The following MEIKIN variants were observed in gnomAD, a reference collection of about 807,000 sequenced individuals.
MEIKIN encodes the protein meiotic kinetochore factor, also known as meiosis-specific kinetochore protein.
intron 8 of MEIKIN, among the ~76,000 whole-genome samples, chr5:131,884,180 C>T (rs551587819): frequency 3.9e-5 from 6 of 152,106 alleles, no homozygotes; most frequent in South Asian, 2.1e-4. Context: ...TGTCGGGGAG[C>T]GGGGATGTGA....
intron 12 of MEIKIN, among the ~76,000 whole-genome samples, chr5:131,813,737 T>C (rs557389411): frequency 2.0e-5 from 3 of 151,802 alleles, no homozygotes; most frequent in African/African-American, 7.2e-5. Context: ...GATCTTTAAC[T>C]GTATTCTAGA....
chr5:131,939,143 G>T (rs1012375177), intron 4 of MEIKIN, among the ~76,000 whole-genome samples: 2 of 152,278 alleles, frequency 1.3e-5, no homozygotes, highest in Non-Finnish European at 2.9e-5. Context: ...CTTGAATCCA[G>T]TCCCTCTGCT....
intron 5 of MEIKIN, among the ~76,000 whole-genome samples, chr5:131,929,937 G>A (rs1398275185): frequency 1.3e-5 from 2 of 152,176 alleles, no homozygotes; most frequent in Admixed American, 6.5e-5. Flanking sequence ...TACCACTGAT[G>A]GGCATTTAGG....
intron 9 of MEIKIN, 24 bp from the exon 10 acceptor site, chr5:131,854,858 G>A (rs1750168278): frequency 2.5e-6 from 1 of 397,060 alleles, no homozygotes; most frequent in Non-Finnish European, 4.4e-6. Flanking sequence ...TATAAAACAG[G>A]GATTGAACAG....
At chr5:131,866,816 T>G (rs1167910374) in intron 9 of MEIKIN, among the ~76,000 whole-genome samples, 1 of 152,192 alleles carries the variant, frequency 6.6e-6, no homozygotes, top group Non-Finnish European at 1.5e-5. Context: ...GGGGAAGTTT[T>G]TTTATTGCTT....
chr5:131,945,629 G>A lies in MEIKIN; in HGVS notation c.-124C>T, dbSNP rs1406118172. On this transcript the variant is annotated 5_prime_UTR_variant, in exon 1 of 13. Coordinates refer to ENST00000442687, the MANE Select transcript of MEIKIN (RefSeq NM_001303622.2). ...GCGAGGCCCGCGGAGCAGCCTCACA[G>A]CAACTAATCGAGCGAAAGCAAAAGC... 7.6e-6 allele frequency: 3 copies of A among 396,914 alleles called. No homozygotes were observed. Among genetic ancestry groups the A allele is most frequent in the East Asian group, 3.6e-5 (1 of 27,926 alleles). 24.6% of individuals were successfully genotyped at this position (396,914 alleles called of 1,614,324 possible). A position where few individuals can be genotyped will look rare whatever the true frequency, so the allele number is the denominator to read the frequency against.
chr5:131,914,580 G>A (rs1751384394), intron 7 of MEIKIN, among the ~76,000 whole-genome samples: 1 of 26,688 alleles, frequency 3.7e-5, no homozygotes, highest in African/African-American at 1.3e-4. Flanking sequence ...GAGAAGGGAA[G>A]GGAAGGGAAG....
intron 8 of MEIKIN, among the ~76,000 whole-genome samples, chr5:131,892,111 G>A (rs1422969032): frequency 1.3e-5 from 2 of 152,216 alleles, no homozygotes; most frequent in East Asian, 3.9e-4. Context: ...GCGTCCCTTT[G>A]TGGGTAACCC....
chr5:131,899,851 G>C (rs886186775), intron 8 of MEIKIN, among the ~76,000 whole-genome samples: 1 of 152,066 alleles, frequency 6.6e-6, no homozygotes, highest in African/African-American at 2.4e-5. Context: ...AGAAAAATAG[G>C]CCCTAATACA....
At chr5:131,862,905 C>T (rs533214424) in intron 9 of MEIKIN, among the ~76,000 whole-genome samples, 4 of 152,144 alleles carry the variant, frequency 2.6e-5, no homozygotes, top group African/African-American at 4.8e-5. Context: ...CAATATGTTG[C>T]CCAGGCTGGT....
chr5:131,877,469 C>A (rs1750635736), intron 9 of MEIKIN, among the ~76,000 whole-genome samples: 1 of 151,924 alleles, frequency 6.6e-6, no homozygotes, highest in Non-Finnish European at 1.5e-5. Context: ...ATGTTGAAAC[C>A]CTGTCTCTAC....
At chr5:131,897,163 A>G (rs1210880817) in intron 8 of MEIKIN, among the ~76,000 whole-genome samples, 1 of 152,180 alleles carries the variant, frequency 6.6e-6, no homozygotes, top group Non-Finnish European at 1.5e-5. Context: ...GCTGGATATG[A>G]AATTCTGGGT....
intron 8 of MEIKIN, among the ~76,000 whole-genome samples, chr5:131,902,321 T>C (rs1005201254): frequency 6.6e-6 from 1 of 152,116 alleles, no homozygotes; most frequent in African/African-American, 2.4e-5. Flanking sequence ...TGGTCCCAGC[T>C]ACTCAGAAGG....
intron 10 of MEIKIN, among the ~76,000 whole-genome samples, chr5:131,852,556 C>T (rs1241576374): frequency 6.6e-6 from 1 of 152,072 alleles, no homozygotes; most frequent in African/African-American, 2.4e-5. Context: ...TGAAAGAAAC[C>T]AGGCACAAAA....
chr5:131,902,448 GA>G (rs1392042071), intron 8 of MEIKIN, among the ~76,000 whole-genome samples: 1 of 149,072 alleles, frequency 6.7e-6, no homozygotes, highest in Non-Finnish European at 1.5e-5. Context: ...AAAAAAAAAA[GA>G]AGAAGTTTCC....
At chr5:131,853,582 G>C (rs1750149042) in intron 10 of MEIKIN, among the ~76,000 whole-genome samples, 1 of 152,174 alleles carries the variant, frequency 6.6e-6, no homozygotes, top group African/African-American at 2.4e-5. Context: ...ACCCATGGAA[G>C]GGGGCAAATT....
intron 8 of MEIKIN, among the ~76,000 whole-genome samples, chr5:131,897,292 C>A (rs898846959): frequency 6.6e-6 from 1 of 152,206 alleles, no homozygotes; most frequent in African/African-American, 2.4e-5. Context: ...GTAACCCAAC[C>A]TTTCTCTCTG....
chr5:131,893,370 G>A (rs1750971344), intron 8 of MEIKIN, among the ~76,000 whole-genome samples: 1 of 152,222 alleles, frequency 6.6e-6, no homozygotes, highest in Non-Finnish European at 1.5e-5. Flanking sequence ...AAGGCTCCAT[G>A]GGCGTAGGAC....
intron 8 of MEIKIN, among the ~76,000 whole-genome samples, chr5:131,884,589 C>T (rs1561743625): frequency 6.6e-6 from 1 of 151,742 alleles, no homozygotes; most frequent in East Asian, 1.9e-4. Flanking sequence ...CTGCAAGTGA[C>T]ACTCAGCACA....
Sources: allele counts gnomAD v4.1 joint callset (sites outside exome capture counted in the v4.1 genomes callset), GRCh38; gene constraint gnomAD v4.1.1; transcripts MANE v1.5; gene names NCBI Gene and HGNC (gene_info 2026-07-23, HGNC 2026-07-21).